Variants in IGF2BP1 observed in about 807,000 individuals in gnomAD.
IGF2BP1 encodes the protein insulin-like growth factor 2 mRNA-binding protein 1.
Under a neutral mutation model 74.9 loss-of-function variants are expected in IGF2BP1, and 11 were observed. The observed-to-expected ratio is 0.15, with a 90% CI of 0.09 to 0.24. IGF2BP1 has a LOEUF of 0.24. IGF2BP1 is among the 10% of genes least tolerant of loss of function. The pLI is 1.00. For missense variants in IGF2BP1, 440 were observed against 757.4 expected, an observed-to-expected ratio of 0.58 and a Z score of 4.92; for synonymous variants, 287 against 281.8, an observed-to-expected ratio of 1.02 and a Z score of -0.18.
chr17:49,039,385 T>C (rs1012934644), intron 6 of IGF2BP1, among the ~76,000 whole-genome samples: 2 of 152,144 alleles, frequency 1.3e-5, no homozygotes, highest in African/African-American at 2.4e-5. Context: ...ATTTGTGTCA[T>C]AGGCTGTGTT....
Position 48,997,838 on chromosome 17 carries a change from C to A in IGF2BP1, c.93C>A (p.Gly31=). 2.5e-6 allele frequency: 4 copies of A among 1,614,208 alleles called. No individual in the cohort carries two copies. Among genetic ancestry groups the A allele is most frequent in the Non-Finnish European group, 3.4e-6 (4 of 1,180,024 alleles). The change falls in exon 1 of 15, where the codon GGC becomes GGA. Residue 31 remains glycine, a synonymous_variant. Coordinates refer to ENST00000290341, the MANE Select transcript of IGF2BP1 (RefSeq NM_006546.4). The surrounding 1 kb of genome is among the most constrained non-coding windows in gnomAD (Gnocchi z 4.8). The part of the protein sequence containing the change: ...VFAEHKISYS[G]QFLVKSGYAF... ...CGGAGCACAAGATCTCCTACAGCGG[C>A]CAGTTCTTGGTCAAATCCGGCTACG...
At chr17:49,041,077 G>A (rs796684052) in intron 7 of IGF2BP1, among the ~76,000 whole-genome samples, 22 of 152,274 alleles carry the variant, frequency 1.4e-4, no homozygotes, top group African/African-American at 5.3e-4. Flanking sequence ...TACTCGGAAG[G>A]CTGAGAAGGG....
At chr17:49,049,318 C>T in intron 14 of IGF2BP1, 34 bp from the exon 15 acceptor site, 1 of 1,599,672 alleles carries the variant, frequency 6.3e-7, no homozygotes. Context: ...CCTTGGAGGT[C>T]TCACACCCAC....
intron 2 of IGF2BP1, among the ~76,000 whole-genome samples, chr17:49,006,028 C>T (rs1289724500): frequency 1.3e-5 from 2 of 152,176 alleles, no homozygotes; most frequent in African/African-American, 2.4e-5. Flanking sequence ...CACCACTGCA[C>T]TCCAGCTTGG....
At chr17:49,002,326 T>C (rs1300936886) in intron 2 of IGF2BP1, among the ~76,000 whole-genome samples, 1 of 152,180 alleles carries the variant, frequency 6.6e-6, no homozygotes, top group African/African-American at 2.4e-5. Context: ...AAAAATATTT[T>C]AAATATATTT....
At chr17:49,029,322 G>T (rs1356411518) in intron 4 of IGF2BP1, among the ~76,000 whole-genome samples, 1 of 152,192 alleles carries the variant, frequency 6.6e-6, no homozygotes, top group Non-Finnish European at 1.5e-5. Context: ...GAGCAGTTAA[G>T]AGTGGCCTGG....
At chr17:49,046,078 T>G in intron 13 of IGF2BP1, 57 bp downstream of exon 13, 3 of 1,591,220 alleles carry the variant, frequency 1.9e-6, no homozygotes, top group Non-Finnish European at 2.6e-6. Flanking sequence ...TCTCAGCAGC[T>G]CTCTCTGGTC....
Position 49,009,488 on chromosome 17 carries a change from T to G in IGF2BP1, c.236+10319T>G, listed in dbSNP as rs548830490. ...ACTTTGGGAGGCCAAGGCGGGCAGA[T>G]CACTTCAGGTCAGGAGTTCAAGACC... On this transcript the variant is annotated intron_variant, in intron 2 of 14. Transcript: ENST00000290341. 2.1e-3 allele frequency among the ~76,000 whole-genome samples: 321 copies of G among 151,980 alleles called. 1 individual carries two copies. Among genetic ancestry groups the G allele is most frequent in the African/African-American group, 7.3e-3 (304 of 41,450 alleles).
intron 2 of IGF2BP1, among the ~76,000 whole-genome samples, chr17:49,000,014 C>A (rs2143909410): frequency 6.6e-6 from 1 of 150,802 alleles, no homozygotes; most frequent in Middle Eastern, 3.4e-3. Context: ...AAATGGGGTA[C>A]CTCCATCATA....
intron 2 of IGF2BP1, among the ~76,000 whole-genome samples, chr17:49,019,361 A>G (rs1231117685): frequency 1.3e-5 from 2 of 152,178 alleles, no homozygotes; most frequent in Non-Finnish European, 2.9e-5. Flanking sequence ...ATTCTTTCGA[A>G]TAGAACACCA....
intron 5 of IGF2BP1, among the ~76,000 whole-genome samples, chr17:49,033,364 C>T (rs1020768561): frequency 2.0e-5 from 3 of 148,952 alleles, no homozygotes; most frequent in Admixed American, 6.7e-5. Flanking sequence ...TTTTTTGAGA[C>T]GGAGTCTCAC....
chr17:49,032,832 T>C (rs1039954280), intron 5 of IGF2BP1, among the ~76,000 whole-genome samples: 1 of 152,186 alleles, frequency 6.6e-6, no homozygotes, highest in Admixed American at 6.5e-5. Flanking sequence ...TTCTTGTTTT[T>C]TGGAGACAAG....
chr17:49,032,077 G>T, intron 5 of IGF2BP1, 104 bp downstream of exon 5: 2 of 1,003,650 alleles, frequency 2.0e-6, no homozygotes, highest in Non-Finnish European at 1.5e-6. Context: ...AGGCAGGCTG[G>T]GTCCCCATCC....
rs752531279 is a variant in IGF2BP1 at position 49,026,525 on chromosome 17, T to C, written c.337+8T>C. On this transcript the variant is annotated splice_region_variant and intron_variant, in intron 4 of 14. Transcript: ENST00000290341. ...TAGAGAACTGTGAGCAAGGTAAGAG[T>C]GGGCCGGGTGTGGGGTGGCACTCGT... The C allele has an allele frequency of 2.5e-6, 4 of 1,613,402 alleles. No individual in the cohort carries two copies. The Admixed American group carries it at 6.7e-5, about 27-fold the overall frequency.
Position 49,049,790 on chromosome 17 carries a change from A to C in IGF2BP1, c.*346A>C, listed in dbSNP as rs1038010847. On this transcript the variant is annotated 3_prime_UTR_variant, in exon 15 of 15. Coordinates refer to ENST00000290341, the MANE Select transcript of IGF2BP1 (RefSeq NM_006546.4). ...ATAAAATTTCCTTCAGGTTTTAAAA[A>C]CATGCAGAGAGGTGTTTTAATCAGC... 1.5e-5 allele frequency: 3 copies of C among 194,960 alleles called. No individual in the cohort carries two copies. The East Asian group carries it at 4.1e-4, about 27-fold the overall frequency. 12.1% of individuals were successfully genotyped at this position (194,960 alleles called of 1,614,324 possible).
rs576078717 is a variant in IGF2BP1 at position 49,043,369 on chromosome 17, G to T, written c.1078-59G>T. The T allele has an allele frequency of 1.0e-5, 16 of 1,600,030 alleles. No homozygotes were observed. The African/African-American group carries it at 2.1e-4, about 21-fold the overall frequency. On this transcript the variant is annotated intron_variant, in intron 9 of 14. Coordinates refer to ENST00000290341, the MANE Select transcript of IGF2BP1 (RefSeq NM_006546.4). Reference sequence around the variant, plus strand: ...GCTACTCGCCTTTTATACAGCGGGGGTCACACACAAGCCCCTGTCAGGGTG... The same window carrying T: ...GCTACTCGCCTTTTATACAGCGGGGTTCACACACAAGCCCCTGTCAGGGTG...
In IGF2BP1 at chr17:49,008,153, CAA is replaced by C. The variant is rs1197823536; in HGVS notation, c.236+8985_236+8986del. 1.4e-4 allele frequency among the ~76,000 whole-genome samples: 19 copies of C among 134,408 alleles called. No individual in the cohort carries two copies. The East Asian group carries it at 2.4e-3, about 17-fold the overall frequency. The allele number at this position is 134,408 out of a possible 152,430, so 88.2% of individuals were successfully genotyped here. A position where few individuals can be genotyped will look rare whatever the true frequency, so the allele number is the denominator to read the frequency against. ...TGCCATTGCAGTCCAGCCTGGGTGA[CAA>C]GAGTGAAATTCCATCTCAAAAAAAA... On this transcript the variant is annotated intron_variant, in intron 2 of 14. Transcript: ENST00000290341.
At chr17:48,998,235 C>A (rs1428233704) in intron 1 of IGF2BP1, among the ~76,000 whole-genome samples, 1 of 152,184 alleles carries the variant, frequency 6.6e-6, no homozygotes, top group Non-Finnish European at 1.5e-5. Context: ...AATTTAGGGA[C>A]ACGGGGATGA....
intron 2 of IGF2BP1, 41 bp from the exon 3 acceptor site, chr17:49,025,577 A>T (rs1398731385): frequency 6.3e-7 from 1 of 1,589,244 alleles, no homozygotes; most frequent in African/African-American, 1.3e-5. Flanking sequence ...CCCCTAATGT[A>T]TTCAGAGCTT....
Sources: gnomAD v4.1 joint callset for allele counts (sites outside exome capture counted in the v4.1 genomes callset) on GRCh38, gnomAD v4.1.1 for gene constraint, Gnocchi (gnomAD v3.1) non-coding constraint, MANE v1.5 for transcripts, NCBI Gene and HGNC (gene_info 2026-07-23, HGNC 2026-07-21) for gene names.